Variants in CNTN4 observed in about 807,000 individuals in gnomAD.
CNTN4 encodes contactin-4.
In CNTN4, 77 loss-of-function variants were observed where a neutral mutation model predicts 122.5. The ratio of observed to expected loss-of-function variants is 0.63; its 90% CI spans 0.52 to 0.76. CNTN4 has a LOEUF of 0.76. CNTN4 is among the 30% of genes least tolerant of loss of function. CNTN4 has a pLI of 0.00. For missense variants in CNTN4, 1,256 were observed against 1,259.1 expected (o/e 1.00, Z 0.04); for synonymous variants, 512 against 447.0 (o/e 1.15, Z -1.83).
chr3:2,149,306 A>G (rs982719465), intron 2 of CNTN4, among the ~76,000 whole-genome samples: 16 of 152,158 alleles, frequency 1.1e-4, no homozygotes, highest in African/African-American at 3.6e-4. Context: ...AGGGGTACAC[A>G]CTTCCATTTG....
chr3:2,409,051 G>A (rs1306877649), intron 3 of CNTN4, among the ~76,000 whole-genome samples: 4 of 152,014 alleles, frequency 2.6e-5, no homozygotes, highest in African/African-American at 4.8e-5. Flanking sequence ...TTACATTTGC[G>A]TTGTTGAAGG....
At chr3:2,862,533 T>A (rs953611148) in intron 7 of CNTN4, among the ~76,000 whole-genome samples, 96 of 152,324 alleles carry the variant, frequency 6.3e-4, no homozygotes, top group African/African-American at 2.1e-3. Flanking sequence ...GCCCCAGAAG[T>A]TTCACAATCC....
chr3:2,972,327 C>A (rs1198875328), intron 13 of CNTN4, among the ~76,000 whole-genome samples: 1 of 152,108 alleles, frequency 6.6e-6, no homozygotes, highest in Non-Finnish European at 1.5e-5. Flanking sequence ...CATACACTCA[C>A]TCCTACACAT....
chr3:2,260,884 C>T (rs1010875252), intron 2 of CNTN4, among the ~76,000 whole-genome samples: 5 of 151,772 alleles, frequency 3.3e-5, no homozygotes, highest in East Asian at 2.0e-4. Flanking sequence ...CCCACCGCCA[C>T]GCTTGGCTAA....
chr3:2,145,557 C>A (rs145044191), intron 2 of CNTN4, among the ~76,000 whole-genome samples: 3 of 152,018 alleles, frequency 2.0e-5, no homozygotes, highest in Non-Finnish European at 4.4e-5. Flanking sequence ...AGGAAAGGAC[C>A]GGCAGATTGG....
intron 3 of CNTN4, among the ~76,000 whole-genome samples, chr3:2,429,868 G>A (rs2047994601): frequency 6.6e-6 from 1 of 152,166 alleles, no homozygotes; most frequent in African/African-American, 2.4e-5. Context: ...CCGTGGGCAT[G>A]GGACCCTCCA....
At position 2,897,925 on chromosome 3, in the gene CNTN4, G is replaced by T. The variant is rs149636722; in HGVS notation, c.941-2760G>T. 5.3e-3 allele frequency among the ~76,000 whole-genome samples: 804 copies of T among 152,186 alleles called. 31 individuals are homozygous for T. Among genetic ancestry groups the T allele is most frequent in the Admixed American group, 0.047 (718 of 15,278 alleles). ...AGGCGATAAATACCCTGTACCCAAT[G>T]CATTATCACAAAAGGGGAGGGGCTA... is the stretch of plus-strand genomic sequence containing the variant. On this transcript the variant is annotated intron_variant, in intron 10 of 24. Transcript: ENST00000418658.
At chr3:2,756,022 C>T (rs909632597) in intron 6 of CNTN4, among the ~76,000 whole-genome samples, 5 of 152,166 alleles carry the variant, frequency 3.3e-5, no homozygotes, top group South Asian at 2.1e-4. Flanking sequence ...TGTTGCCATT[C>T]GGGGAAAAGG....
intron 4 of CNTN4, among the ~76,000 whole-genome samples, chr3:2,664,889 A>G (rs969988366): frequency 3.9e-5 from 6 of 152,168 alleles, no homozygotes; most frequent in Non-Finnish European, 8.8e-5. Flanking sequence ...TTTCCACGAC[A>G]TTTGATTTGT....
At chr3:2,630,440 A>T (rs1002724327) in intron 4 of CNTN4, among the ~76,000 whole-genome samples, 1 of 152,218 alleles carries the variant, frequency 6.6e-6, no homozygotes, top group African/African-American at 2.4e-5. Context: ...CCCTGTCTCA[A>T]AACAAAGAAT....
chr3:2,329,025 C>T (rs2043596517), intron 2 of CNTN4, among the ~76,000 whole-genome samples: 1 of 151,348 alleles, frequency 6.6e-6, no homozygotes, highest in African/African-American at 2.4e-5. Context: ...AAGTTTATAT[C>T]AATATAAATA....
At chr3:3,024,079 C>T (rs1450180826) in intron 14 of CNTN4, among the ~76,000 whole-genome samples, 1 of 152,096 alleles carries the variant, frequency 6.6e-6, no homozygotes, top group African/African-American at 2.4e-5. Context: ...TTCCTTCAGC[C>T]TCTGTTATAT....
intron 2 of CNTN4, among the ~76,000 whole-genome samples, chr3:2,284,806 G>A (rs1345185): frequency 0.92 from 140,236 of 151,784 alleles, 64,858 homozygotes; most frequent in East Asian, 1. Flanking sequence ...AAAATCTTGA[G>A]GAAGATTTTT....
intron 3 of CNTN4, among the ~76,000 whole-genome samples, chr3:2,554,666 A>G (rs1375855093): frequency 6.6e-6 from 1 of 152,212 alleles, no homozygotes; most frequent in Non-Finnish European, 1.5e-5. Context: ...CTGCTATAGT[A>G]TCACAAAAGC....
rs1375971458 is a variant in CNTN4, at chr3:2,201,318, C to T, written c.-145+100679C>T. On this transcript the variant is annotated intron_variant, in intron 2 of 24. Coordinates refer to ENST00000418658, the MANE Select transcript of CNTN4 (RefSeq NM_175607.3). Reference sequence around the variant, plus strand: ...GCCTCAATGAGTTCTTAATTGGGTACAAGATAATGTTGGTAGAAGTTTAAA... The same window carrying T: ...GCCTCAATGAGTTCTTAATTGGGTATAAGATAATGTTGGTAGAAGTTTAAA... 2.6e-5 allele frequency among the ~76,000 whole-genome samples: 4 copies of T among 152,040 alleles called. No individual in the cohort carries two copies. The East Asian group carries it at 5.8e-4, about 22-fold the overall frequency.
At chr3:2,669,461 A>G (rs951995811) in intron 4 of CNTN4, among the ~76,000 whole-genome samples, 4 of 151,774 alleles carry the variant, frequency 2.6e-5, no homozygotes, top group Non-Finnish European at 4.4e-5. Flanking sequence ...TTTTTATTGC[A>G]TCTATTTGAT....
rs141496954 is a variant in CNTN4 at position 2,550,694 on chromosome 3, C to A, written c.-88-20722C>A. Reference sequence around the variant, plus strand: ...TATTCACAATAGCAAAGACTTGGAACCAACCCAAATGTCTATCATTGATAG... The same window carrying A: ...TATTCACAATAGCAAAGACTTGGAAACAACCCAAATGTCTATCATTGATAG... On this transcript the variant is annotated intron_variant, in intron 3 of 24. Transcript: ENST00000418658. 1.7e-3 allele frequency among the ~76,000 whole-genome samples: 256 copies of A among 152,236 alleles called. 2 individuals are homozygous for A. Among genetic ancestry groups the A allele is most frequent in the Non-Finnish European group, 3.1e-4 (21 of 68,028 alleles).
rs186529329 is a variant in CNTN4, at chr3:2,124,667, G to T, written c.-145+24028G>T. ...TGCATGACTGTGATCCCAGCTACAT[G>T]GGAGGCTGAGGCAGGAGGTTCCCTT... On this transcript the variant is annotated intron_variant, in intron 2 of 24. Coordinates refer to ENST00000418658, the MANE Select transcript of CNTN4 (RefSeq NM_175607.3). Among the ~76,000 whole-genome samples, 625 of 152,176 alleles carry T rather than the reference G, an allele frequency of 4.1e-3. 2 individuals carry two copies. Among genetic ancestry groups the T allele is most frequent in the African/African-American group, 0.014 (596 of 41,540 alleles).
At chr3:2,281,582 GC>G (rs1228237484) in intron 2 of CNTN4, among the ~76,000 whole-genome samples, 2 of 151,968 alleles carry the variant, frequency 1.3e-5, no homozygotes, top group Admixed American at 6.6e-5. Flanking sequence ...TCCCTGTCAT[GC>G]CTGGCAATGT....
Sources: gnomAD v4.1 joint callset for allele counts (sites outside exome capture counted in the v4.1 genomes callset) on GRCh38, gnomAD v4.1.1 for gene constraint, MANE v1.5 for transcripts, NCBI Gene and HGNC (gene_info 2026-07-23, HGNC 2026-07-21) for gene names.